Variants in LRSAM1 observed in about 807,000 individuals in gnomAD.
LRSAM1 encodes leucine rich repeat and sterile alpha motif containing 1, also known as E3 ubiquitin-protein ligase LRSAM1.
In LRSAM1, 96 loss-of-function variants were observed where a neutral mutation model predicts 118.1. The observed-to-expected ratio is 0.81, with a 90% CI of 0.69 to 0.96. The LOEUF is 0.96. Ranked by LOEUF, LRSAM1 falls within the 40% of genes least tolerant of loss-of-function variation. The pLI, the probability that LRSAM1 is intolerant of heterozygous loss-of-function variation, is 0.00. For synonymous variants in LRSAM1, 322 were observed against 364.2 expected, an observed-to-expected ratio of 0.88 and a Z score of 1.32; for missense variants, 804 against 915.5, an observed-to-expected ratio of 0.88 and a Z score of 1.57.
chr9:127,454,914 T>A, intron 3 of LRSAM1, 84 bp from the exon 4 acceptor site: 1 of 1,333,480 alleles, frequency 7.5e-7, no homozygotes, highest in Non-Finnish European at 1.1e-6. Flanking sequence ...TTGCAGCTGC[T>A]TACATTTATG....
At chr9:127,452,931 G>GT (rs1834378147) in intron 2 of LRSAM1, among the ~76,000 whole-genome samples, 2 of 152,314 alleles carry the variant, frequency 1.3e-5, no homozygotes, top group South Asian at 4.1e-4. Context: ...TCAGGACAGT[G>GT]TACTTCGTGT....
chr9:127,475,558 T>C (rs1009463240), intron 11 of LRSAM1, among the ~76,000 whole-genome samples: 9 of 152,088 alleles, frequency 5.9e-5, no homozygotes, highest in Non-Finnish European at 1.3e-4. Context: ...GAGAGGCATG[T>C]TAAGTTAAAA....
In LRSAM1 at chr9:127,495,387, T is replaced by G. The variant is rs1448079285; in HGVS notation, c.1667T>G (p.Leu556Trp). The G allele has an allele frequency of 6.2e-7, 1 of 1,613,928 alleles. No individual in the cohort carries two copies. The highest frequency in any genetic ancestry group is 1.3e-5 in the African/African-American group (1 of 74,946). The change falls in exon 22 of 26, where the codon TTG becomes TGG. Residue 556 changes from leucine to tryptophan, a missense_variant. Leu to Trp is a moderately conservative substitution (Grantham distance 61). Coordinates refer to ENST00000300417, the MANE Select transcript of LRSAM1 (RefSeq NM_001005373.4). ...TGGCTGATTCAGTATCAACGGCTTT[T>G]GAACCAGAAGCCCTTGTCCTTGAAG... is the stretch of plus-strand genomic sequence containing the variant. ...NYWLIQYQRL[L>W]NQKPLSLKLQ...
chr9:127,467,378 A>G (rs1834994751), intron 9 of LRSAM1, among the ~76,000 whole-genome samples: 1 of 152,178 alleles, frequency 6.6e-6, no homozygotes, highest in Non-Finnish European at 1.5e-5. Flanking sequence ...AGCTCACCTC[A>G]ATATCTTATC....
chr9:127,496,918 G>A (rs1367416152), intron 23 of LRSAM1, among the ~76,000 whole-genome samples: 1 of 152,232 alleles, frequency 6.6e-6, no homozygotes, highest in Non-Finnish European at 1.5e-5. Flanking sequence ...TCCCCCACCT[G>A]GTGGGGAAGT....
rs548554280 is a variant in LRSAM1, at chr9:127,476,521, C to T, written c.751-2413C>T. Among the ~76,000 whole-genome samples, 19 of 152,078 alleles carry T rather than the reference C, an allele frequency of 1.2e-4. No homozygotes were observed. The South Asian group carries it at 2.9e-3, about 23-fold the overall frequency. ...CTAAGATTACACCACTGCACCCCAT[C>T]CTGAGTAACAGAACTAGACCCTATC... On this transcript the variant is annotated intron_variant, in intron 11 of 25. Coordinates refer to ENST00000300417, the MANE Select transcript of LRSAM1 (RefSeq NM_001005373.4).
chr9:127,475,658 C>T (rs1157503251), intron 11 of LRSAM1, among the ~76,000 whole-genome samples: 1 of 152,168 alleles, frequency 6.6e-6, no homozygotes, highest in Non-Finnish European at 1.5e-5. Context: ...AACAGGTGTC[C>T]TCATAAACTG....
intron 13 of LRSAM1, 139 bp from the exon 14 acceptor site, chr9:127,479,700 A>G: frequency 7.4e-7 from 1 of 1,348,746 alleles, no homozygotes; most frequent in South Asian, 1.3e-5. Context: ...ACTGTAGCCT[A>G]CTGGGAGGAG....
intron 6 of LRSAM1, among the ~76,000 whole-genome samples, chr9:127,458,043 T>C (rs1834586976): frequency 6.6e-6 from 1 of 151,796 alleles, no homozygotes; most frequent in African/African-American, 2.4e-5. Flanking sequence ...TGTGTGCACA[T>C]GTATAAATAT....
chr9:127,483,217 C>T lies in LRSAM1; in HGVS notation c.1159+197C>T, dbSNP rs138558192. On this transcript the variant is annotated intron_variant, in intron 16 of 25. Transcript: ENST00000300417. ...GCAGAGTCCCAGTTCAAACACCCACCATGTGACCTTAGGGACATTACTGCT... is the reference window on the plus strand; with the variant it reads ...GCAGAGTCCCAGTTCAAACACCCACTATGTGACCTTAGGGACATTACTGCT... 9.9e-4 allele frequency among the ~76,000 whole-genome samples: 150 copies of T among 152,274 alleles called. 1 individual carries two copies. The highest frequency in any genetic ancestry group is 1.7e-3 in the Non-Finnish European group (118 of 68,020).
intron 19 of LRSAM1, among the ~76,000 whole-genome samples, chr9:127,491,011 C>T (rs1564278867): frequency 6.6e-6 from 1 of 152,072 alleles, no homozygotes; most frequent in Non-Finnish European, 1.5e-5. Context: ...GTCCATGCCC[C>T]AGGAACGCGA....
At chr9:127,501,730 T>G (rs1387747874) in intron 25 of LRSAM1, among the ~76,000 whole-genome samples, 1 of 152,072 alleles carries the variant, frequency 6.6e-6, no homozygotes, top group Non-Finnish European at 1.5e-5. Flanking sequence ...AGATTCCATC[T>G]CAAAAAAAAG....
chr9:127,461,121 T>C, intron 7 of LRSAM1, 52 bp from the exon 8 acceptor site: 1 of 1,461,518 alleles, frequency 6.8e-7, no homozygotes, highest in Non-Finnish European at 9.5e-7. Flanking sequence ...CCCAAAGTGC[T>C]GGGATTACAG....
chr9:127,497,837 A>G (rs113307353), intron 24 of LRSAM1, among the ~76,000 whole-genome samples: 91 of 152,238 alleles, frequency 6.0e-4, no homozygotes, highest in African/African-American at 2.1e-3. Flanking sequence ...ATGATCTGGG[A>G]GCCCGGCACC....
chr9:127,457,065 G>T (rs149191668), intron 5 of LRSAM1, among the ~76,000 whole-genome samples: 1 of 152,180 alleles, frequency 6.6e-6, no homozygotes, highest in East Asian at 1.9e-4. Flanking sequence ...GGCTGCAGGG[G>T]GATCCCTTCT....
chr9:127,496,938 G>A (rs1360567242), intron 23 of LRSAM1, among the ~76,000 whole-genome samples: 1 of 152,270 alleles, frequency 6.6e-6, no homozygotes, highest in African/African-American at 2.4e-5. Flanking sequence ...TGGCTGAGGT[G>A]TGCAGGTGAA....
At chr9:127,454,256 A>G (rs1834432832) in intron 2 of LRSAM1, among the ~76,000 whole-genome samples, 1 of 151,774 alleles carries the variant, frequency 6.6e-6, no homozygotes, top group Admixed American at 6.6e-5. Flanking sequence ...CGTGGAACTC[A>G]CTAAAAAGAT....
chr9:127,464,029 C>T (rs992271893), intron 9 of LRSAM1, among the ~76,000 whole-genome samples: 1 of 152,236 alleles, frequency 6.6e-6, no homozygotes, highest in Non-Finnish European at 1.5e-5. Context: ...CTGTATGACT[C>T]GGCTTCTGGA....
intron 5 of LRSAM1, 128 bp downstream of exon 5, chr9:127,455,748 C>A: frequency 1.1e-6 from 1 of 893,592 alleles, no homozygotes; most frequent in Non-Finnish European, 1.8e-6. Context: ...ATGCTCTTGG[C>A]CTGCAGCAGG....
Sources: allele counts gnomAD v4.1 joint callset (sites outside exome capture counted in the v4.1 genomes callset), GRCh38; gene constraint gnomAD v4.1.1; transcripts MANE v1.5; gene names NCBI Gene and HGNC (gene_info 2026-07-23, HGNC 2026-07-21).